CDH17: variants seen among roughly 807,000 people sequenced by gnomAD.
The protein encoded by CDH17 is cadherin-17.
A neutral mutation model predicts 86.3 loss-of-function variants in CDH17; 67 were observed. The ratio of observed to expected loss-of-function variants is 0.78; its 90% CI spans 0.64 to 0.95. The LOEUF (loss-of-function observed/expected upper bound fraction) is 0.95. Among genes scored for constraint, CDH17 ranks in the 40% least tolerant of loss-of-function variants. The pLI, the probability that CDH17 is intolerant of heterozygous loss-of-function variation, is 0.00. For synonymous variants in CDH17, 367 were observed against 366.4 expected (o/e 1.00, Z -0.02); for missense variants, 993 against 1,017.6 (o/e 0.98, Z 0.33).
chr8:94,192,302 A>G (rs1265140518), intron 2 of CDH17, among the ~76,000 whole-genome samples: 4 of 152,218 alleles, frequency 2.6e-5, no homozygotes, highest in Non-Finnish European at 5.9e-5. Flanking sequence ...CTGTGAAAGG[A>G]CAAGATGGCG....
intron 3 of CDH17, among the ~76,000 whole-genome samples, chr8:94,179,047 A>T (rs1033532973): frequency 1.0e-4 from 3 of 28,844 alleles, no homozygotes; most frequent in East Asian, 5.3e-4. Context: ...AATGTTTATT[A>T]AAAAAAAAAA....
intron 3 of CDH17, among the ~76,000 whole-genome samples, chr8:94,185,479 G>A (rs534805555): frequency 6.6e-6 from 1 of 152,266 alleles, no homozygotes; most frequent in African/African-American, 2.4e-5. Flanking sequence ...CAGAGACTCT[G>A]GAATGATCCT....
At position 94,143,821 on chromosome 8, in the gene CDH17, G is replaced by T. The variant is rs376121756; in HGVS notation, c.2167+2107C>A. On this transcript the variant is annotated intron_variant, in intron 15 of 17. Transcript: ENST00000027335. ...AGAGTTAAGGCCTTGTTCTAGGTTA[G>T]ATTTTGGTTTAAAGGACTATTGTTG... 2.6e-5 allele frequency among the ~76,000 whole-genome samples: 4 copies of T among 152,268 alleles called. No homozygotes were observed. The East Asian group carries it at 7.7e-4, about 29-fold the overall frequency.
chr8:94,208,962 G>A (rs926101524), upstream of CDH17, among the ~76,000 whole-genome samples: 2 of 152,170 alleles, frequency 1.3e-5, no homozygotes, highest in African/African-American at 2.4e-5. Flanking sequence ...AAAAGACGGA[G>A]CAGGGGCGCC....
chr8:94,135,940 T>C (rs1205515019), intron 15 of CDH17, among the ~76,000 whole-genome samples: 1 of 152,252 alleles, frequency 6.6e-6, no homozygotes, highest in Admixed American at 6.5e-5. Flanking sequence ...TATGAAATTC[T>C]GGGTTGTAAA....
chr8:94,157,122 C>G (rs940510762), intron 12 of CDH17, among the ~76,000 whole-genome samples: 42 of 152,322 alleles, frequency 2.8e-4, no homozygotes, highest in African/African-American at 8.7e-4. Flanking sequence ...TGCAAACAAA[C>G]TATAGTTGCC....
intron 13 of CDH17, among the ~76,000 whole-genome samples, 157 bp from the exon 14 acceptor site, chr8:94,149,031 T>TATATTTA (rs143357517): frequency 0.23 from 34,447 of 151,936 alleles, 3,946 homozygotes; most frequent in East Asian, 0.3. Context: ...CAGCATTACT[T>TATATTTA]GTATATTATT....
intron 14 of CDH17, among the ~76,000 whole-genome samples, chr8:94,146,937 C>A (rs1400076601): frequency 6.6e-6 from 1 of 152,260 alleles, no homozygotes; most frequent in South Asian, 2.1e-4. Flanking sequence ...TTCTAGTAAA[C>A]CCTGTTTTCT....
At chr8:94,156,009 G>A (rs542074585) in intron 12 of CDH17, among the ~76,000 whole-genome samples, 10 of 152,302 alleles carry the variant, frequency 6.6e-5, no homozygotes, top group East Asian at 1.9e-4. Context: ...GTCCGGCCAC[G>A]TGCATTGTGT....
At chr8:94,149,948 TA>T (rs897904548) in intron 13 of CDH17, among the ~76,000 whole-genome samples, 3 of 152,120 alleles carry the variant, frequency 2.0e-5, no homozygotes, top group Non-Finnish European at 4.4e-5. Flanking sequence ...AAATGCTACC[TA>T]AAAAAACCCA....
chr8:94,161,301 CT>C (rs1261464726), intron 11 of CDH17, among the ~76,000 whole-genome samples: 4 of 152,228 alleles, frequency 2.6e-5, no homozygotes, highest in Admixed American at 6.5e-5. Flanking sequence ...CTTCCCACCC[CT>C]AGCCCCCTCA....
intron 11 of CDH17, 47 bp downstream of exon 11, chr8:94,162,039 G>T: frequency 3.4e-6 from 4 of 1,176,892 alleles, no homozygotes; most frequent in Non-Finnish European, 3.8e-6. Flanking sequence ...AAAGGGTGAA[G>T]TAAAATGAAT....
intron 1 of CDH17, among the ~76,000 whole-genome samples, chr8:94,214,923 A>G (rs761782242): frequency 4.6e-5 from 7 of 152,216 alleles, no homozygotes; most frequent in Non-Finnish European, 7.3e-5. Flanking sequence ...CCACAATAAG[A>G]TGGCATTTCA....
rs1331289385 is a variant in CDH17, at chr8:94,130,759, T to G, written c.2285-20A>C. 6.9e-6 allele frequency: 11 copies of G among 1,594,742 alleles called. No homozygotes were observed. Among genetic ancestry groups the G allele is most frequent in the Non-Finnish European group, 8.6e-6 (10 of 1,162,484 alleles). On this transcript the variant is annotated intron_variant, in intron 16 of 17. Transcript: ENST00000027335. ...ATGTAACTGAAAAGCAGGACAGTAT[T>G]TGGTAGGATAAATTCTCAAGTGAAT...
chr8:94,176,825 A>C (rs1359771223), intron 4 of CDH17, 146 bp from the exon 5 acceptor site: 1 of 729,348 alleles, frequency 1.4e-6, no homozygotes, highest in Admixed American at 2.9e-5. Context: ...CAAATTGGGA[A>C]ATGCTAAAAC....
Position 94,145,954 on chromosome 8 carries a change from T to C in CDH17, c.2141A>G (p.Asn714Ser). The C allele has an allele frequency of 1.2e-6, 2 of 1,613,478 alleles. No homozygotes were observed. The highest frequency in any genetic ancestry group is 1.7e-6 in the Non-Finnish European group (2 of 1,179,752). Residue 714 changes from asparagine to serine, a missense_variant, in exon 15 of 18, where the codon AAC (asparagine) becomes AGC (serine). Asn to Ser is a conservative substitution (Grantham distance 46, BLOSUM62 1). Coordinates refer to ENST00000027335, the MANE Select transcript of CDH17 (RefSeq NM_004063.4). ...ATTGATTTTGGAAACTTCCCAGTCG[T>C]TTTGTAAGCTTCCACTGCCGAGGGA... The part of the protein sequence containing the change: ...TFSLGSGSLQ[N>S]DWEVSKINGT...
upstream of CDH17, among the ~76,000 whole-genome samples, chr8:94,212,725 C>G (rs549900589): frequency 3.2e-4 from 49 of 152,336 alleles, no homozygotes; most frequent in African/African-American, 1.2e-3. Flanking sequence ...TCTACTCTGA[C>G]AGAAGTGGAC....
intron 13 of CDH17, among the ~76,000 whole-genome samples, chr8:94,150,340 G>A (rs1045911802): frequency 3.3e-5 from 5 of 152,180 alleles, no homozygotes; most frequent in African/African-American, 1.2e-4. Flanking sequence ...AACAGACATG[G>A]TGGTGCCTTG....
intron 12 of CDH17, among the ~76,000 whole-genome samples, chr8:94,156,653 G>T (rs1812954214): frequency 6.6e-6 from 1 of 152,178 alleles, no homozygotes; most frequent in Admixed American, 6.5e-5. Context: ...AGAGGCTGAG[G>T]CCGCAGTCCT....
Sources: allele counts gnomAD v4.1 joint callset (sites outside exome capture counted in the v4.1 genomes callset), GRCh38; gene constraint gnomAD v4.1.1; transcripts MANE v1.5; gene names NCBI Gene and HGNC (gene_info 2026-07-23, HGNC 2026-07-21).